FER1L6: variants seen among roughly 807,000 people sequenced by gnomAD.
FER1L6 encodes fer-1-like protein 6.
A neutral mutation model predicts 219.2 loss-of-function variants in FER1L6; 177 were observed. The ratio of observed to expected loss-of-function variants is 0.81; its 90% CI spans 0.71 to 0.91. The LOEUF is 0.91. FER1L6 is among the 40% of genes least tolerant of loss of function. FER1L6 has a pLI of 0.00. For synonymous variants in FER1L6, 768 were observed against 824.3 expected (o/e 0.93, Z 1.17); for missense variants, 2,153 against 2,259.9 (o/e 0.95, Z 0.96).
intron 21 of FER1L6, chr8:124,046,152 A>G (rs897803449): frequency 3.4e-5 from 14 of 409,696 alleles, no homozygotes; most frequent in African/African-American, 6.0e-5. Context: ...TCTGGTTTAC[A>G]GAACGTCAGT....
At position 124,076,221 on chromosome 8, in the gene FER1L6, T is replaced by C. The variant is rs770273006; in HGVS notation, c.4116T>C (p.Asp1372=). The C allele has an allele frequency of 3.8e-5, 62 of 1,613,946 alleles. No individual in the cohort carries two copies. The highest frequency in any genetic ancestry group is 4.8e-5 in the Non-Finnish European group (57 of 1,179,944). ...AGGCATTTAATCTTAGTCCAGCTGA[T>C]CCAGATGGCAAATCAGATCCCTACA... ...IVAAFNLSPA[D]PDGKSDPYIV... Residue 1372 remains aspartate, a synonymous_variant, in exon 32 of 41, where the codon GAT becomes GAC. Coordinates refer to ENST00000522917, the MANE Select transcript of FER1L6 (RefSeq NM_001039112.2).
chr8:123,978,948 C>T (rs1816208531), intron 10 of FER1L6, among the ~76,000 whole-genome samples: 1 of 152,136 alleles, frequency 6.6e-6, no homozygotes, highest in African/African-American at 2.4e-5. Context: ...TATTTACAAC[C>T]TTTTAGGAAC....
Position 124,064,359 on chromosome 8 carries a change from C to T in FER1L6, c.3341C>T (p.Ser1114Leu), listed in dbSNP as rs182459401. ...GTQPGHDISD[S>L]LTATESSGAH... ...GCTTTCATTTCAGATATTTCAGATT[C>T]GCTAACAGCCACTGAGTCCTCTGGA... The change falls in exon 26 of 41, where the codon TCG becomes TTG. Residue 1114 changes from serine (S) to leucine (L), a missense_variant. Ser to Leu is a moderately radical substitution (Grantham distance 145). Transcript: ENST00000522917. The T allele has an allele frequency of 8.1e-6, 13 of 1,612,608 alleles. No individual in the cohort carries two copies. The Admixed American group carries it at 8.4e-5, about 10-fold the overall frequency.
At chr8:124,015,571 CTATATATATATATATATATATATATA>C (rs781161909) in intron 15 of FER1L6, among the ~76,000 whole-genome samples, 14 of 43,264 alleles carry the variant, frequency 3.2e-4, no homozygotes, top group South Asian at 1.1e-3. Flanking sequence ...ATTATAAAAG[CTATATATATATATATATATATATATA>C]TATATATATA....
Position 124,095,047 on chromosome 8 carries a change from C to T in FER1L6, c.4695+9C>T. On this transcript the variant is annotated intron_variant, in intron 35 of 40. Transcript: ENST00000522917. ...AGCCAGGAATGGAGCAGGTAGTGGGCAAGACTATTCTGGCCCTAAAAGTTA... is the reference window on the plus strand; with the variant it reads ...AGCCAGGAATGGAGCAGGTAGTGGGTAAGACTATTCTGGCCCTAAAAGTTA... 6.2e-7 allele frequency: 1 copy of T among 1,613,880 alleles called. No individual in the cohort carries two copies. The highest frequency in any genetic ancestry group is 1.1e-5 in the South Asian group (1 of 91,056).
intron 1 of FER1L6, among the ~76,000 whole-genome samples, chr8:123,899,102 A>G (rs1177413311): frequency 6.6e-6 from 1 of 152,054 alleles, no homozygotes; most frequent in Non-Finnish European, 1.5e-5. Flanking sequence ...TTGTGGCTGT[A>G]CTAGTTTACA....
chr8:123,932,625 G>C (rs10102852), intron 1 of FER1L6, among the ~76,000 whole-genome samples: 13 of 152,204 alleles, frequency 8.5e-5, no homozygotes, highest in Admixed American at 3.3e-4. Flanking sequence ...GCGTAATGGT[G>C]GGGGGAGGAC....
chr8:123,950,373 G>A (rs1023862359), intron 1 of FER1L6, among the ~76,000 whole-genome samples: 1 of 152,170 alleles, frequency 6.6e-6, no homozygotes, highest in African/African-American at 2.4e-5. Context: ...CCCCAGGGTG[G>A]GCAGGAAGCA....
intron 34 of FER1L6, among the ~76,000 whole-genome samples, chr8:124,093,702 A>G (rs1488004158): frequency 2.0e-5 from 1 of 50,852 alleles, no homozygotes; most frequent in Non-Finnish European, 5.6e-5. Flanking sequence ...AGATTTATTC[A>G]TTGATTTCTT....
At chr8:123,904,224 T>TTGTGTGTG (rs56224402) in intron 1 of FER1L6, among the ~76,000 whole-genome samples, 7,350 of 139,382 alleles carry the variant, frequency 0.053, 273 homozygotes, top group South Asian at 0.091. Context: ...CTCTGTATAT[T>TTGTGTGTG]TGTGTGTGTG....
chr8:123,878,593 G>C (rs1272824380), intron 1 of FER1L6, among the ~76,000 whole-genome samples: 1 of 152,210 alleles, frequency 6.6e-6, no homozygotes, highest in Non-Finnish European at 1.5e-5. Context: ...AGCACTAGCT[G>C]TGTGACCTTG....
At chr8:123,953,695 C>A (rs2130107451) in intron 1 of FER1L6, among the ~76,000 whole-genome samples, 1 of 152,322 alleles carries the variant, frequency 6.6e-6, no homozygotes, top group East Asian at 1.9e-4. Context: ...TTATTATTAG[C>A]AACTCCCTAT....
chr8:123,876,698 A>T (rs901043753), intron 1 of FER1L6, among the ~76,000 whole-genome samples: 1 of 151,346 alleles, frequency 6.6e-6, no homozygotes, highest in African/African-American at 2.4e-5. Flanking sequence ...TGACCCCATC[A>T]CTCTCTTCCC....
intron 1 of FER1L6, among the ~76,000 whole-genome samples, chr8:123,930,580 C>A (rs906876101): frequency 1.3e-5 from 2 of 152,142 alleles, no homozygotes; most frequent in African/African-American, 4.8e-5. Context: ...AGCACAGTGA[C>A]TAATCTCCTG....
chr8:124,048,321 G>A (rs1359537366), intron 21 of FER1L6, among the ~76,000 whole-genome samples: 1 of 152,214 alleles, frequency 6.6e-6, no homozygotes, highest in Non-Finnish European at 1.5e-5. Context: ...CACTCAGCCA[G>A]CATGCATTGA....
intron 27 of FER1L6, among the ~76,000 whole-genome samples, 167 bp from the exon 28 acceptor site, chr8:124,067,600 C>T (rs189923876): frequency 5.1e-4 from 77 of 152,270 alleles, no homozygotes; most frequent in African/African-American, 1.8e-3. Flanking sequence ...TTGGGCTTAA[C>T]CCCCAGATCT....
chr8:123,993,956 A>G (rs995952158), intron 12 of FER1L6, among the ~76,000 whole-genome samples: 1 of 152,200 alleles, frequency 6.6e-6, no homozygotes, highest in African/African-American at 2.4e-5. Context: ...AGTAGTAATG[A>G]GCTGATCATG....
chr8:123,968,289 G>A (rs1376863949), intron 5 of FER1L6, among the ~76,000 whole-genome samples: 1 of 152,130 alleles, frequency 6.6e-6, no homozygotes, highest in Non-Finnish European at 1.5e-5. Context: ...ACGTTAAACT[G>A]GGCCCAAGTG....
Position 124,003,364 on chromosome 8 carries a change from G to T in FER1L6, c.1700+17G>T, listed in dbSNP as rs368610389. The T allele has an allele frequency of 1.7e-5, 27 of 1,594,086 alleles. No homozygotes were observed. The African/African-American group carries it at 3.4e-4, about 20-fold the overall frequency. ...AGGGAACAGGTAGGAGACATAGCCT[G>T]GGAGAACAGTCAAGGATTTTGCTGG... On this transcript the variant is annotated intron_variant, in intron 13 of 40. Coordinates refer to ENST00000522917, the MANE Select transcript of FER1L6 (RefSeq NM_001039112.2).
Sources: allele counts gnomAD v4.1 joint callset (sites outside exome capture counted in the v4.1 genomes callset), GRCh38; gene constraint gnomAD v4.1.1; transcripts MANE v1.5; gene names NCBI Gene and HGNC (gene_info 2026-07-23, HGNC 2026-07-21).